ARHGAP32: variants seen among roughly 807,000 people sequenced by gnomAD.
ARHGAP32 encodes the protein Rho GTPase activating protein 32.
In ARHGAP32, 51 loss-of-function variants were observed where a neutral mutation model predicts 186.5. That is an observed-to-expected ratio of 0.27 (90% CI 0.22 to 0.35). The LOEUF (loss-of-function observed/expected upper bound fraction) is 0.35. Ranked by LOEUF, ARHGAP32 falls within the 10% of genes least tolerant of loss-of-function variation. The probability of loss-of-function intolerance (pLI) is 1.00; values close to 1 mark genes in which losing one functional copy is unlikely to be tolerated. For missense variants in ARHGAP32, 2,186 were observed against 2,623.5 expected (o/e 0.83, Z 3.64); for synonymous variants, 950 against 964.3 (o/e 0.99, Z 0.27).
chr11:129,210,026 T>C (rs1944560358), intron 1 of ARHGAP32, among the ~76,000 whole-genome samples: 1 of 152,174 alleles, frequency 6.6e-6, no homozygotes, highest in South Asian at 2.1e-4. Flanking sequence ...GTGGGGGTAA[T>C]TCTTATGCTG....
intron 11 of ARHGAP32, among the ~76,000 whole-genome samples, chr11:129,002,607 G>A (rs1431285880): frequency 2.6e-5 from 4 of 152,030 alleles, no homozygotes; most frequent in Non-Finnish European, 5.9e-5. Flanking sequence ...GATTGCTCTA[G>A]CCAGAACTTC....
intron 1 of ARHGAP32, among the ~76,000 whole-genome samples, chr11:129,220,188 C>G (rs1165939802): frequency 6.6e-6 from 1 of 152,112 alleles, no homozygotes; most frequent in Non-Finnish European, 1.5e-5. Flanking sequence ...ATATCATTAA[C>G]TGAGATAATG....
intron 14 of ARHGAP32, 108 bp downstream of exon 14, chr11:128,986,415 CA>C: frequency 8.4e-7 from 1 of 1,197,460 alleles, no homozygotes; most frequent in East Asian, 2.4e-5. Flanking sequence ...GGAGTCATTT[CA>C]GTCACAGAAC....
Position 129,142,788 on chromosome 11 carries a change from T to C in ARHGAP32, c.226-17894A>G, listed in dbSNP as rs148906120. ...AGACTTGATCAAAGTGTTCTTTCTG[T>C]ATAAGGCTAACAAAAAGCATCTGAA... is the stretch of plus-strand genomic sequence containing the variant. On this transcript the variant is annotated intron_variant, in intron 2 of 22. Transcript: ENST00000682385. Among the ~76,000 whole-genome samples, 63 of 151,958 alleles carry C rather than the reference T, an allele frequency of 4.1e-4. No individual in the cohort carries two copies. The East Asian group carries it at 0.011, about 27-fold the overall frequency.
At chr11:129,049,283 G>A (rs140953848) in intron 10 of ARHGAP32, among the ~76,000 whole-genome samples, 73 of 152,248 alleles carry the variant, frequency 4.8e-4, no homozygotes, top group African/African-American at 1.7e-3. Context: ...GTATATGAAT[G>A]TAAACGACAC....
chr11:129,164,521 T>C (rs972286864), intron 1 of ARHGAP32, 94 bp from the exon 2 acceptor site: 14 of 721,972 alleles, frequency 1.9e-5, no homozygotes, highest in Admixed American at 5.9e-5. Context: ...AAACTACATG[T>C]CAGATTTGAA....
rs1945325682 is a variant in ARHGAP32, at chr11:128,970,288, G to A, written c.4925C>T (p.Ala1642Val). 1 of 1,614,070 alleles carries A rather than the reference G, an allele frequency of 6.2e-7. No homozygotes were observed. Among genetic ancestry groups the A allele is most frequent in the Non-Finnish European group, 8.5e-7 (1 of 1,180,054 alleles). The change falls in exon 23 of 23, where the codon GCC becomes GTC. Residue 1642 changes from alanine to valine, a missense_variant. Ala to Val is a moderately conservative substitution (Grantham distance 64). Transcript: ENST00000682385. The surrounding 1 kb of genome is among the most constrained non-coding windows in gnomAD (Gnocchi z 5.8). The part of the protein sequence containing the change: ...YQYKPYQSSQ[A>V]RSDYHVTQLQ... ...CTGAGTGACATGATAATCTGAGCGGGCCTGGGAGGACTGATATGGCTTATA... is the reference window on the plus strand; with the variant it reads ...CTGAGTGACATGATAATCTGAGCGGACCTGGGAGGACTGATATGGCTTATA...
chr11:129,043,280 T>G (rs1358194540), intron 10 of ARHGAP32, among the ~76,000 whole-genome samples: 1 of 152,136 alleles, frequency 6.6e-6, no homozygotes, highest in Non-Finnish European at 1.5e-5. Context: ...CAATTTGATG[T>G]TTGGTGCTCT....
intron 1 of ARHGAP32, among the ~76,000 whole-genome samples, chr11:129,208,419 C>A (rs2135587686): frequency 6.6e-6 from 1 of 152,234 alleles, no homozygotes; most frequent in South Asian, 2.1e-4. Context: ...GTAGTTTTGT[C>A]AAGGAGAACT....
intron 1 of ARHGAP32, among the ~76,000 whole-genome samples, chr11:129,214,252 G>GA (rs1367163465): frequency 2.0e-5 from 3 of 152,062 alleles, no homozygotes; most frequent in Non-Finnish European, 1.5e-5. Context: ...ATGAAGTATA[G>GA]ACTTCAGTTA....
In ARHGAP32 at chr11:128,978,892, T is replaced by G; in HGVS notation, c.2000A>C (p.Lys667Thr). 1 of 1,607,986 alleles carries G rather than the reference T, an allele frequency of 6.2e-7. No homozygotes were observed. The highest frequency in any genetic ancestry group is 1.1e-5 in the South Asian group (1 of 90,014). The part of the protein sequence containing the change: ...LERKRPQNKM[K>T]KSPVGSWRSF... ...ACGCCAGCTACCCACAGGAGACTTT[T>G]TCATCTTATTTTGAGGCCTCTTTCT... Residue 667 changes from lysine to threonine, a missense_variant, in exon 19 of 23, where the codon AAA (lysine) becomes ACA (threonine). Around this residue, in one of 5 missense-constraint regions of ARHGAP32, gnomAD observed 263 missense variants for 323.5 expected, o/e 0.81. Coordinates refer to ENST00000682385, the MANE Select transcript of ARHGAP32 (RefSeq NM_001378024.1).
chr11:129,259,575 A>G (rs1251004742), intron 1 of ARHGAP32, among the ~76,000 whole-genome samples: 1 of 152,110 alleles, frequency 6.6e-6, no homozygotes, highest in Non-Finnish European at 1.5e-5. Flanking sequence ...AATGTAAAAA[A>G]AAAAAAAAAT....
intron 1 of ARHGAP32, among the ~76,000 whole-genome samples, chr11:129,251,577 A>G (rs911998700): frequency 6.6e-5 from 10 of 152,146 alleles, no homozygotes; most frequent in African/African-American, 2.4e-4. Flanking sequence ...TATGAATTAC[A>G]TATATTTATA....
rs1418420968 is a variant in ARHGAP32 at position 128,974,319 on chromosome 11, T to C, written c.2878A>G (p.Arg960Gly). The C allele has an allele frequency of 6.2e-7, 1 of 1,614,102 alleles. No homozygotes were observed. The highest frequency in any genetic ancestry group is 1.3e-5 in the African/African-American group (1 of 74,932). ...GTGGGGGATCTATTTGTGGCATCCC[T>C]TTCTTCAACGCATTTGTCCCAGGTT... Reference protein sequence around the residue: ...SSTWDKCVEERDATNRSPTQI... With the variant: ...SSTWDKCVEEGDATNRSPTQI... Residue 960 changes from arginine to glycine, a missense_variant, in exon 21 of 23, where the codon AGG becomes GGG. This residue lies in a region of ARHGAP32 where 1,502 missense variants were observed against 1,570.0 expected (regional missense o/e 0.96). Transcript: ENST00000682385.
intron 9 of ARHGAP32, 115 bp downstream of exon 9, chr11:129,063,787 A>C: frequency 8.2e-7 from 1 of 1,225,802 alleles, no homozygotes; most frequent in South Asian, 1.9e-5. Flanking sequence ...AAGACTATGG[A>C]AAAACCTGGT....
intron 5 of ARHGAP32, among the ~76,000 whole-genome samples, chr11:129,105,969 G>C (rs1942036702): frequency 6.6e-6 from 1 of 151,916 alleles, no homozygotes; most frequent in African/African-American, 2.4e-5. Flanking sequence ...ACAAAGTCTG[G>C]GGCCAAAAGG....
At chr11:129,056,727 C>G (rs933861568) in intron 10 of ARHGAP32, among the ~76,000 whole-genome samples, 12 of 152,148 alleles carry the variant, frequency 7.9e-5, no homozygotes, top group African/African-American at 2.9e-4. Context: ...AGATCACATG[C>G]CATGAACACA....
intron 1 of ARHGAP32, among the ~76,000 whole-genome samples, chr11:129,222,330 G>T (rs1406859077): frequency 6.6e-6 from 1 of 152,112 alleles, no homozygotes; most frequent in Non-Finnish European, 1.5e-5. Context: ...GTTCAGACAG[G>T]TTAAGCAATA....
chr11:129,164,597 T>C (rs1442816363), intron 1 of ARHGAP32, among the ~76,000 whole-genome samples, 170 bp from the exon 2 acceptor site: 1 of 152,142 alleles, frequency 6.6e-6, no homozygotes, highest in Non-Finnish European at 1.5e-5. Context: ...TTCAGAGGTC[T>C]CTCCTAATGT....
Sources: gnomAD v4.1 joint callset for allele counts (sites outside exome capture counted in the v4.1 genomes callset) on GRCh38, gnomAD v4.1.1 for gene constraint, gnomAD v4.1.1 regional missense constraint, Gnocchi (gnomAD v3.1) non-coding constraint, MANE v1.5 for transcripts, NCBI Gene and HGNC (gene_info 2026-07-23, HGNC 2026-07-21) for gene names.